The following CSMD1 variants were observed in gnomAD, a reference collection of about 807,000 sequenced individuals.
CSMD1 encodes the protein CUB and Sushi multiple domains 1, also known as CUB and sushi domain-containing protein 1.
CSMD1 carries 213 observed loss-of-function variants against 417.5 expected under a neutral mutation model. The observed-to-expected ratio is 0.51, with a 90% confidence interval of 0.46 to 0.57. CSMD1 has a LOEUF of 0.57. Ranked by LOEUF, CSMD1 falls within the 20% of genes least tolerant of loss-of-function variation. The probability of loss-of-function intolerance (pLI) is 0.00; values close to 1 mark genes in which losing one functional copy is unlikely to be tolerated. For synonymous variants in CSMD1, 2,862 were observed against 1,736.8 expected (o/e 1.65, Z -16.11); for missense variants, 6,923 against 4,529.7 (o/e 1.53, Z -15.17).
intron 3 of CSMD1, among the ~76,000 whole-genome samples, chr8:4,036,022 G>A (rs888010203): frequency 2.0e-5 from 3 of 151,968 alleles, no homozygotes; most frequent in African/African-American, 2.4e-5. Flanking sequence ...CCTTTTCTAT[G>A]TTTAGAGACA....
At chr8:3,394,033 TATATATA>T (rs1811532884) in intron 17 of CSMD1, among the ~76,000 whole-genome samples, 6 of 90,940 alleles carry the variant, frequency 6.6e-5, no homozygotes, top group South Asian at 5.8e-4. Context: ...TATATATATA[TATATATA>T]TATATATATA....
At chr8:4,950,373 G>T (rs1052577621) in intron 1 of CSMD1, among the ~76,000 whole-genome samples, 7 of 150,700 alleles carry the variant, frequency 4.6e-5, no homozygotes, top group East Asian at 2.0e-4. Flanking sequence ...TAAGTAGAGG[G>T]TTAATTCATA....
At chr8:4,349,737 C>G (rs1419954877) in intron 3 of CSMD1, among the ~76,000 whole-genome samples, 1 of 151,878 alleles carries the variant, frequency 6.6e-6, no homozygotes, top group Admixed American at 6.6e-5. Flanking sequence ...ATTTATTTGA[C>G]ATTTTTCAAA....
chr8:3,264,707 A>T (rs1801309776), intron 26 of CSMD1, among the ~76,000 whole-genome samples: 2 of 152,206 alleles, frequency 1.3e-5, no homozygotes, highest in South Asian at 4.1e-4. Flanking sequence ...AATTTAACTT[A>T]ATTAACTAGG....
At chr8:4,884,488 C>A (rs748031199) in intron 1 of CSMD1, among the ~76,000 whole-genome samples, 1 of 151,716 alleles carries the variant, frequency 6.6e-6, no homozygotes, top group Non-Finnish European at 1.5e-5. Context: ...CCTGTGTTTT[C>A]TTTGTAAGGA....
At chr8:4,773,131 T>A (rs955672216) in intron 1 of CSMD1, among the ~76,000 whole-genome samples, 5 of 152,176 alleles carry the variant, frequency 3.3e-5, no homozygotes, top group African/African-American at 1.2e-4. Flanking sequence ...CAGTTGAGTG[T>A]CCCTAATTAA....
intron 11 of CSMD1, among the ~76,000 whole-genome samples, chr8:3,476,043 T>G (rs1817394195): frequency 1.3e-5 from 2 of 152,206 alleles, no homozygotes; most frequent in African/African-American, 2.4e-5. Flanking sequence ...CTAATCTACG[T>G]GAAATACATG....
chr8:4,265,846 C>G lies in CSMD1; in HGVS notation c.415+154107G>C, dbSNP rs1804198260. ...TCAACTTGGTTACCCTAAAAGCCAG[C>G]TATTTCTATAGGTCCATGGTGTCCC... On this transcript the variant is annotated intron_variant, in intron 3 of 69. Transcript: ENST00000635120. Among the ~76,000 whole-genome samples, 2 of 104,914 alleles carry G rather than the reference C, an allele frequency of 1.9e-5. 1 individual carries two copies. The highest frequency in any genetic ancestry group is 5.2e-5 in the African/African-American group (2 of 38,380). The allele number at this position is 104,914 out of a possible 152,430, so 68.8% of individuals were successfully genotyped here. A position where few individuals can be genotyped will look rare whatever the true frequency, so the allele number is the denominator to read the frequency against.
chr8:4,815,621 A>T (rs1421856892), intron 1 of CSMD1, among the ~76,000 whole-genome samples: 1 of 147,970 alleles, frequency 6.8e-6, no homozygotes, highest in Non-Finnish European at 1.5e-5. Context: ...GCTTGAACCC[A>T]GGAGATGAAG....
At chr8:4,410,815 T>C (rs1457137326) in intron 3 of CSMD1, among the ~76,000 whole-genome samples, 19 of 152,186 alleles carry the variant, frequency 1.2e-4, no homozygotes, top group Admixed American at 1.2e-3. Flanking sequence ...GGTTTGAATA[T>C]GGTTTGTCTC....
chr8:3,713,709 C>A (rs1461919345), intron 6 of CSMD1, among the ~76,000 whole-genome samples: 9 of 152,176 alleles, frequency 5.9e-5, no homozygotes, highest in African/African-American at 2.2e-4. Flanking sequence ...ATGCAAAATT[C>A]TTTCAAACAA....
At chr8:3,983,759 G>C (rs940802302) in intron 5 of CSMD1, among the ~76,000 whole-genome samples, 2 of 152,150 alleles carry the variant, frequency 1.3e-5, no homozygotes, top group African/African-American at 2.4e-5. Flanking sequence ...ATCTGATGGG[G>C]CTGTCAACTG....
chr8:4,818,534 T>C lies in CSMD1; in HGVS notation c.85+175798A>G, dbSNP rs148763153. On this transcript the variant is annotated intron_variant, in intron 1 of 69. Coordinates refer to ENST00000635120, the MANE Select transcript of CSMD1 (RefSeq NM_033225.6). ...CATACGTATTAAGAATAATATTATATAGGCATGAATCCAGAGACACACACA... is the reference window on the plus strand; with the variant it reads ...CATACGTATTAAGAATAATATTATACAGGCATGAATCCAGAGACACACACA... 7.2e-5 allele frequency among the ~76,000 whole-genome samples: 11 copies of C among 152,330 alleles called. No homozygotes were observed. The East Asian group carries it at 2.1e-3, about 29-fold the overall frequency.
At chr8:4,955,029 T>C (rs1808994044) in intron 1 of CSMD1, among the ~76,000 whole-genome samples, 1 of 152,168 alleles carries the variant, frequency 6.6e-6, no homozygotes, top group South Asian at 2.1e-4. Flanking sequence ...GCCAGCTGAT[T>C]TTCTCGGGAC....
intron 11 of CSMD1, among the ~76,000 whole-genome samples, chr8:3,482,096 C>T (rs748152205): frequency 6.6e-6 from 1 of 152,104 alleles, no homozygotes; most frequent in South Asian, 2.1e-4. Flanking sequence ...CTTAATAACC[C>T]TTAGGAAGGC....
At chr8:3,160,830 G>A (rs946375217) in intron 38 of CSMD1, among the ~76,000 whole-genome samples, 2 of 152,152 alleles carry the variant, frequency 1.3e-5, no homozygotes, top group Admixed American at 6.5e-5. Context: ...TGTATATAAA[G>A]CACTTGGTAA....
chr8:4,266,134 C>T (rs1585125140), intron 3 of CSMD1, among the ~76,000 whole-genome samples: 2 of 104,436 alleles, frequency 1.9e-5, no homozygotes, highest in African/African-American at 2.6e-5. Context: ...CTTAAAACCA[C>T]CTTTTTACTT....
chr8:3,758,205 C>G lies in CSMD1; in HGVS notation c.819-4163G>C, dbSNP rs148692644. 4.6e-5 allele frequency among the ~76,000 whole-genome samples: 7 copies of G among 152,238 alleles called. No individual in the cohort carries two copies. The East Asian group carries it at 1.4e-3, about 30-fold the overall frequency. ...TCTCAAACTCCTGACCTCAGGTGATCCAACCCCATCATCTTCCCAGAGTGC... is the reference window on the plus strand; with the variant it reads ...TCTCAAACTCCTGACCTCAGGTGATGCAACCCCATCATCTTCCCAGAGTGC... On this transcript the variant is annotated intron_variant, in intron 5 of 69. Coordinates refer to ENST00000635120, the MANE Select transcript of CSMD1 (RefSeq NM_033225.6).
At chr8:4,184,668 C>G (rs1474818368) in intron 3 of CSMD1, among the ~76,000 whole-genome samples, 1 of 151,812 alleles carries the variant, frequency 6.6e-6, no homozygotes, top group East Asian at 1.9e-4. Flanking sequence ...CAGATGGACA[C>G]AAAGAGGGAA....
Sources: allele counts gnomAD v4.1 joint callset (sites outside exome capture counted in the v4.1 genomes callset), GRCh38; gene constraint gnomAD v4.1.1; transcripts MANE v1.5; gene names NCBI Gene and HGNC (gene_info 2026-07-23, HGNC 2026-07-21).